Variants in CACNA2D3 observed in about 807,000 individuals in gnomAD.
The protein encoded by CACNA2D3 is calcium voltage-gated channel auxiliary subunit alpha2delta 3, also known as voltage-dependent calcium channel subunit alpha-2/delta-3.
CACNA2D3 carries 60 observed loss-of-function variants against 160.6 expected under a neutral mutation model. That is an observed-to-expected ratio of 0.37 (90% CI 0.30 to 0.46). The LOEUF (loss-of-function observed/expected upper bound fraction) is 0.46, where lower values mean the gene tolerates loss of function less well. Ranked by LOEUF, CACNA2D3 falls within the 20% of genes least tolerant of loss-of-function variation. The pLI is 1.00. For synonymous variants in CACNA2D3, 558 were observed against 492.9 expected, an observed-to-expected ratio of 1.13 and a Z score of -1.75; for missense variants, 1,205 against 1,365.0, an observed-to-expected ratio of 0.88 and a Z score of 1.85.
chr3:54,365,866 T>TA (rs1553637047), intron 3 of CACNA2D3, among the ~76,000 whole-genome samples: 2 of 151,918 alleles, frequency 1.3e-5, no homozygotes, highest in Non-Finnish European at 2.9e-5. Context: ...CATCTCAAAA[T>TA]AAATAAAATA....
chr3:54,324,682 C>T (rs1704084454), intron 3 of CACNA2D3, among the ~76,000 whole-genome samples: 1 of 152,120 alleles, frequency 6.6e-6, no homozygotes, highest in African/African-American at 2.4e-5. Flanking sequence ...ATTGTTCAGA[C>T]ATATTTATGC....
At chr3:54,527,283 T>C (rs1240736253) in intron 5 of CACNA2D3, among the ~76,000 whole-genome samples, 9 of 152,234 alleles carry the variant, frequency 5.9e-5, no homozygotes, top group East Asian at 5.8e-4. Flanking sequence ...CTTGAACTTA[T>C]CTACACTCAA....
chr3:55,055,233 G>A (rs1704332820), intron 35 of CACNA2D3, among the ~76,000 whole-genome samples: 3 of 151,954 alleles, frequency 2.0e-5, no homozygotes, highest in Admixed American at 1.3e-4. Context: ...GTTGATTTTT[G>A]TACATAATGT....
chr3:54,895,953 G>A (rs946154476), intron 25 of CACNA2D3, among the ~76,000 whole-genome samples: 1 of 152,198 alleles, frequency 6.6e-6, no homozygotes, highest in Non-Finnish European at 1.5e-5. Flanking sequence ...GAGGGGATAT[G>A]ATGATTGTGC....
chr3:54,964,583 G>A (rs769587900), intron 27 of CACNA2D3, among the ~76,000 whole-genome samples: 3 of 152,146 alleles, frequency 2.0e-5, no homozygotes, highest in Admixed American at 2.0e-4. Context: ...TTCCATTTAG[G>A]TTATGTGGGG....
chr3:54,505,438 G>A (rs949684526), intron 5 of CACNA2D3, among the ~76,000 whole-genome samples: 2 of 152,080 alleles, frequency 1.3e-5, no homozygotes, highest in Non-Finnish European at 1.5e-5. Flanking sequence ...ATCCTAGAGG[G>A]CTCTGGACTG....
intron 4 of CACNA2D3, among the ~76,000 whole-genome samples, chr3:54,404,357 G>A (rs1260538373): frequency 6.6e-6 from 1 of 151,980 alleles, no homozygotes; most frequent in East Asian, 1.9e-4. Flanking sequence ...TAATCAATGT[G>A]ATACTTTCAT....
intron 11 of CACNA2D3, among the ~76,000 whole-genome samples, chr3:54,662,679 G>A (rs988858938): frequency 8.5e-5 from 13 of 152,192 alleles, no homozygotes; most frequent in Non-Finnish European, 1.5e-5. Context: ...ATTTTGCTGC[G>A]CTTGCTTCTC....
intron 2 of CACNA2D3, among the ~76,000 whole-genome samples, chr3:54,201,384 T>C (rs1445546244): frequency 6.6e-6 from 1 of 152,196 alleles, no homozygotes; most frequent in African/African-American, 2.4e-5. Context: ...TGAATAAGAA[T>C]ATTGCTCTAA....
chr3:54,913,096 T>G (rs1429313445), intron 27 of CACNA2D3, among the ~76,000 whole-genome samples: 1 of 152,112 alleles, frequency 6.6e-6, no homozygotes, highest in Non-Finnish European at 1.5e-5. Context: ...TTTTGTGTTG[T>G]TTTTTTGAGA....
chr3:54,483,466 G>T lies in CACNA2D3; in HGVS notation c.382-20026G>T, dbSNP rs189063819. On this transcript the variant is annotated intron_variant, in intron 4 of 37. Coordinates refer to ENST00000474759, the MANE Select transcript of CACNA2D3 (RefSeq NM_018398.3). ...TGAAGTTGTTTTCTCTTGCCACAGA[G>T]CAGTTCCCCGATCTGTATTGTCAGC... 2.0e-3 allele frequency among the ~76,000 whole-genome samples: 307 copies of T among 152,310 alleles called. 11 individuals are homozygous for T. Among genetic ancestry groups the T allele is most frequent in the Admixed American group, 0.02 (303 of 15,298 alleles).
intron 2 of CACNA2D3, among the ~76,000 whole-genome samples, chr3:54,163,801 C>T (rs6797113): frequency 0.44 from 66,936 of 151,942 alleles, 14,887 homozygotes; most frequent in South Asian, 0.57. Flanking sequence ...TGACGGCATG[C>T]GGAGGCGTCA....
At chr3:54,718,775 G>A (rs1701111999) in intron 11 of CACNA2D3, among the ~76,000 whole-genome samples, 1 of 152,020 alleles carries the variant, frequency 6.6e-6, no homozygotes, top group African/African-American at 2.4e-5. Context: ...AAGGATTGAC[G>A]TATCTTTATA....
At chr3:54,266,984 G>A (rs1447206857) in intron 2 of CACNA2D3, among the ~76,000 whole-genome samples, 2 of 152,100 alleles carry the variant, frequency 1.3e-5, no homozygotes, top group African/African-American at 4.8e-5. Flanking sequence ...ATGGAGCTTG[G>A]CAGTTTGTAT....
At chr3:54,753,406 G>A (rs1701905228) in intron 12 of CACNA2D3, among the ~76,000 whole-genome samples, 1 of 152,170 alleles carries the variant, frequency 6.6e-6, no homozygotes, top group South Asian at 2.1e-4. Context: ...AGCTAGTGTG[G>A]TGGTGTTGGT....
chr3:54,682,779 A>G (rs1308610211), intron 11 of CACNA2D3, among the ~76,000 whole-genome samples: 2 of 152,160 alleles, frequency 1.3e-5, no homozygotes, highest in Non-Finnish European at 2.9e-5. Context: ...CCACAAGGTC[A>G]TCAGTGTGAT....
chr3:54,929,185 A>G (rs1701115936), intron 27 of CACNA2D3, among the ~76,000 whole-genome samples: 1 of 152,070 alleles, frequency 6.6e-6, no homozygotes, highest in Non-Finnish European at 1.5e-5. Flanking sequence ...TGACTTACCC[A>G]CCCAGAGCCC....
chr3:54,421,106 T>A (rs901742286), intron 4 of CACNA2D3, among the ~76,000 whole-genome samples: 1 of 152,184 alleles, frequency 6.6e-6, no homozygotes, highest in Non-Finnish European at 1.5e-5. Context: ...GAAGTTTTGC[T>A]CTGAGATGAA....
At chr3:54,556,767 T>C (rs907344931) in intron 5 of CACNA2D3, among the ~76,000 whole-genome samples, 6 of 152,104 alleles carry the variant, frequency 3.9e-5, no homozygotes, top group African/African-American at 1.2e-4. Flanking sequence ...TTTTCACAAG[T>C]GACCATAAGA....
Sources: allele counts gnomAD v4.1 joint callset (sites outside exome capture counted in the v4.1 genomes callset), GRCh38; gene constraint gnomAD v4.1.1; transcripts MANE v1.5; gene names NCBI Gene and HGNC (gene_info 2026-07-23, HGNC 2026-07-21).